TARS1: variants seen among roughly 807,000 people sequenced by gnomAD.
TARS1 encodes the protein threonyl-tRNA synthetase 1, also known as threonine--tRNA ligase 1, cytoplasmic.
Under a neutral mutation model 97.7 loss-of-function variants are expected in TARS1, and 57 were observed. That is an observed-to-expected ratio of 0.58 (90% CI 0.47 to 0.73). The LOEUF is 0.73. Among genes scored for constraint, TARS1 ranks in the 30% least tolerant of loss-of-function variants. The probability of loss-of-function intolerance (pLI) is 0.00; values close to 1 mark genes in which losing one functional copy is unlikely to be tolerated. For synonymous variants in TARS1, 312 were observed against 293.7 expected, an observed-to-expected ratio of 1.06 and a Z score of -0.64; for missense variants, 806 against 888.3, an observed-to-expected ratio of 0.91 and a Z score of 1.18.
chr5:33,444,246 T>A (rs1451932531), intron 1 of TARS1, among the ~76,000 whole-genome samples: 1 of 152,192 alleles, frequency 6.6e-6, no homozygotes, highest in Non-Finnish European at 1.5e-5. Context: ...GTTGCCAGGG[T>A]CTGGAGATGA....
chr5:33,456,931 C>T (rs1579586288), intron 8 of TARS1, among the ~76,000 whole-genome samples: 1 of 152,146 alleles, frequency 6.6e-6, no homozygotes, highest in African/African-American at 2.4e-5. Context: ...TGAGTAGCTG[C>T]GACCATAAGC....
At chr5:33,466,786 G>T in intron 17 of TARS1, 85 bp from the exon 18 acceptor site, 1 of 902,600 alleles carries the variant, frequency 1.1e-6, no homozygotes, top group South Asian at 2.0e-5. Flanking sequence ...AAGAAGTCCT[G>T]ATCCCTGTGT....
chr5:33,455,779 G>C, intron 6 of TARS1, 75 bp downstream of exon 6: 5 of 1,117,642 alleles, frequency 4.5e-6, no homozygotes, highest in Non-Finnish European at 6.6e-6. Flanking sequence ...CACCACTGGC[G>C]TTCCGTGTAC....
At chr5:33,446,462 C>G (rs1039565675) in intron 2 of TARS1, 2 of 343,510 alleles carry the variant, frequency 5.8e-6, no homozygotes, top group Admixed American at 3.3e-5. Flanking sequence ...TGAGAAATGA[C>G]CTGGAAATAA....
intron 1 of TARS1, 109 bp downstream of exon 1, chr5:33,441,252 G>T (rs1741079002): frequency 2.9e-6 from 4 of 1,366,532 alleles, no homozygotes; most frequent in Non-Finnish European, 4.1e-6. Context: ...CCGGGACCGC[G>T]TGGGTCGGAG....
chr5:33,446,285 C>T (rs372615784), intron 2 of TARS1: 12 of 270,118 alleles, frequency 4.4e-5, no homozygotes, highest in South Asian at 3.7e-4. Flanking sequence ...ATTTATCTTA[C>T]GGCTGATCAG....
intron 4 of TARS1, 152 bp downstream of exon 4, chr5:33,453,564 C>A: frequency 9.2e-7 from 1 of 1,085,506 alleles, no homozygotes; most frequent in Non-Finnish European, 1.3e-6. Context: ...ATTTAGGGAA[C>A]ATAATAAAAG....
intron 2 of TARS1, chr5:33,446,611 A>G: frequency 8.3e-7 from 1 of 1,201,400 alleles, no homozygotes; most frequent in Non-Finnish European, 1.1e-6. Context: ...TCCAAGGGCA[A>G]CTTGCAGGTT....
intron 14 of TARS1, 27 bp downstream of exon 14, chr5:33,461,771 T>TA (rs750659734): frequency 1.2e-5 from 19 of 1,608,036 alleles, no homozygotes; most frequent in Non-Finnish European, 1.6e-5. Context: ...ATTTGGGTAA[T>TA]ATGATTTTCA....
At chr5:33,464,888 A>T (rs1191641754) in intron 17 of TARS1, among the ~76,000 whole-genome samples, 1 of 151,508 alleles carries the variant, frequency 6.6e-6, no homozygotes, top group Non-Finnish European at 1.5e-5. Flanking sequence ...CCATGGTGAA[A>T]CCCCGTCTCT....
chr5:33,461,224 TTTAAA>T lies in TARS1; in HGVS notation c.1481_1485del (p.Phe494SerfsTer21), dbSNP rs1190795691. On this transcript the variant is annotated frameshift_variant, in exon 13 of 19. Transcript: ENST00000265112. LOFTEE classifies it high-confidence loss of function. ...GGTATATAGCGTATTTGGATTTTCT[TTTAAA>T]CTAAACCTTTCTACTCGCCCGGAAA... 3 of 1,614,098 alleles carry T rather than the reference TTTAAA, an allele frequency of 1.9e-6. No homozygotes were observed. In the East Asian group the frequency reaches 6.7e-5, roughly 36 times the overall value.
intron 18 of TARS1, among the ~76,000 whole-genome samples, chr5:33,467,262 T>A (rs998223229): frequency 6.6e-6 from 1 of 152,098 alleles, no homozygotes; most frequent in African/African-American, 2.4e-5. Flanking sequence ...AACACATCTA[T>A]TGGATTACTT....
chr5:33,446,083 T>C (rs1306070926), intron 2 of TARS1: 2 of 155,480 alleles, frequency 1.3e-5, no homozygotes, highest in East Asian at 1.9e-4. Context: ...AGCTGTTTTA[T>C]TGGAGACTCT....
At chr5:33,446,428 C>T (rs1741417927) in intron 2 of TARS1, among the ~76,000 whole-genome samples, 1 of 152,188 alleles carries the variant, frequency 6.6e-6, no homozygotes, top group Admixed American at 6.5e-5. Flanking sequence ...TCAATACAAA[C>T]ATACGTGCTG....
rs1346439359 is a variant in TARS1, at chr5:33,462,170, T to C, written c.1802T>C (p.Ile601Thr). The C allele has an allele frequency of 2.5e-6, 4 of 1,612,768 alleles. No homozygotes were observed. The highest frequency in any genetic ancestry group is 1.3e-5 in the African/African-American group (1 of 74,890). Residue 601 changes from isoleucine to threonine, a missense_variant, in exon 16 of 19, where the codon ATT becomes ACT. Transcript: ENST00000265112. ...RAILGSVERM[I>T]AILTENYGGK... ...ATCTTGGGATCAGTGGAAAGAATGATTGCTATCCTCACAGAAAACTATGGG... is the reference window on the plus strand; with the variant it reads ...ATCTTGGGATCAGTGGAAAGAATGACTGCTATCCTCACAGAAAACTATGGG...
intron 9 of TARS1, among the ~76,000 whole-genome samples, chr5:33,457,616 T>G (rs1306531955): frequency 6.6e-6 from 1 of 152,222 alleles, no homozygotes; most frequent in East Asian, 1.9e-4. Flanking sequence ...AAAATGCATT[T>G]GAACTACTTT....
rs1742606689 is a variant in TARS1, at chr5:33,467,709, T to C, written c.*1T>C. On this transcript the variant is annotated 3_prime_UTR_variant, in exon 19 of 19. Coordinates refer to ENST00000265112, the MANE Select transcript of TARS1 (RefSeq NM_152295.5). Reference sequence around the variant, plus strand: ...CAAACAGGCAGAAGAAGAATTTTAATGAAAAAATTACCCAGATTGGCTCCA... The same window carrying C: ...CAAACAGGCAGAAGAAGAATTTTAACGAAAAAATTACCCAGATTGGCTCCA... 2 of 1,607,396 alleles carry C rather than the reference T, an allele frequency of 1.2e-6. No homozygotes were observed. Among genetic ancestry groups the C allele is most frequent in the Non-Finnish European group, 1.7e-6 (2 of 1,178,094 alleles).
chr5:33,461,996 A>AT lies in TARS1; in HGVS notation c.1720_1721insT (p.Thr574IlefsTer6). The AT allele has an allele frequency of 1.2e-6, 2 of 1,613,810 alleles. No individual in the cohort carries two copies. Among genetic ancestry groups the AT allele is most frequent in the Non-Finnish European group, 1.7e-6 (2 of 1,179,748 alleles). On this transcript the variant is annotated frameshift_variant, in exon 15 of 19. Coordinates refer to ENST00000265112, the MANE Select transcript of TARS1 (RefSeq NM_152295.5). LOFTEE classifies it high-confidence loss of function. ...CCAGTTGCCCATCAGATTTAATCTT[A>AT]CTTATGTAAGGTGAGTTTCTGGTGT...
chr5:33,456,262 C>A, intron 8 of TARS1, 35 bp downstream of exon 8: 1 of 1,486,844 alleles, frequency 6.7e-7, no homozygotes, highest in Non-Finnish European at 9.4e-7. Context: ...GTGAATGTAT[C>A]TGTCTAGAAT....
Sources: allele counts gnomAD v4.1 joint callset (sites outside exome capture counted in the v4.1 genomes callset), GRCh38; gene constraint gnomAD v4.1.1; transcripts MANE v1.5; gene names NCBI Gene and HGNC (gene_info 2026-07-23, HGNC 2026-07-21).